Variants in MACC1 observed in about 807,000 individuals in gnomAD.
MACC1 encodes MET transcriptional regulator MACC1, also known as metastasis-associated in colon cancer protein 1.
Under a neutral mutation model 70.7 loss-of-function variants are expected in MACC1, and 79 were observed. That is an observed-to-expected ratio of 1.12 (90% confidence interval 0.93 to 1.35). The LOEUF is 1.35. Among genes scored for constraint, MACC1 ranks in the 40% most tolerant of loss-of-function variants. MACC1 has a pLI of 0.00. For missense variants in MACC1, 1,106 were observed against 978.1 expected, an observed-to-expected ratio of 1.13 and a Z score of -1.74; for synonymous variants, 361 against 347.2, an observed-to-expected ratio of 1.04 and a Z score of -0.44.
chr7:20,191,323 G>C (rs1333682463), intron 1 of MACC1, among the ~76,000 whole-genome samples: 1 of 152,216 alleles, frequency 6.6e-6, no homozygotes, highest in African/African-American at 2.4e-5. Flanking sequence ...AGGTGTCTCA[G>C]GAGGTCCTGG....
At chr7:20,161,479 T>A (rs1472153645) in intron 4 of MACC1, among the ~76,000 whole-genome samples, 1 of 152,032 alleles carries the variant, frequency 6.6e-6, no homozygotes, top group Non-Finnish European at 1.5e-5. Flanking sequence ...CAATCAACCT[T>A]CAGAGAGCCT....
chr7:20,150,864 T>TG (rs1210748206), intron 6 of MACC1, among the ~76,000 whole-genome samples: 1 of 152,076 alleles, frequency 6.6e-6, no homozygotes, highest in East Asian at 1.9e-4. Context: ...CTGGCCAACA[T>TG]GGTGAAACAC....
rs1431114851 is a variant in MACC1 at position 20,135,277 on chromosome 7, TTTAA to T, written c.*5665_*5668del. ...TATGCTTTAAATGAAACACAGAGAT[TTTAA>T]TTAGTTTCACAGTCAAAATTATTTT... On this transcript the variant is annotated 3_prime_UTR_variant, in exon 7 of 7. Coordinates refer to ENST00000400331, the MANE Select transcript of MACC1 (RefSeq NM_182762.4). 6.6e-6 allele frequency: 1 copy of T among 152,238 alleles called. No homozygotes were observed. The highest frequency in any genetic ancestry group is 1.5e-5 in the Non-Finnish European group (1 of 68,042). 9.4% of individuals were successfully genotyped at this position (152,238 alleles called of 1,614,324 possible). A position where few individuals can be genotyped will look rare whatever the true frequency, so the allele number is the denominator to read the frequency against.
chr7:20,173,216 AT>A (rs1168245773), intron 1 of MACC1, among the ~76,000 whole-genome samples: 1 of 152,200 alleles, frequency 6.6e-6, no homozygotes, highest in Non-Finnish European at 1.5e-5. Flanking sequence ...GATAATATAC[AT>A]GTTTTGCTTT....
chr7:20,135,575 G>T lies in MACC1; in HGVS notation c.*5371C>A, dbSNP rs946392390. On this transcript the variant is annotated 3_prime_UTR_variant, in exon 7 of 7. Coordinates refer to ENST00000400331, the MANE Select transcript of MACC1 (RefSeq NM_182762.4). ...CTGGGAAGTGATTAGAAATGCAAGT[G>T]ATCAGGCCAGACCCTCTGAATGAGA... 7 of 152,192 alleles carry T rather than the reference G, an allele frequency of 4.6e-5. No homozygotes were observed. Among genetic ancestry groups the T allele is most frequent in the African/African-American group, 7.2e-5 (3 of 41,458 alleles). The allele number at this position is 152,192 out of a possible 1,614,324, so 9.4% of individuals were successfully genotyped here. A position where few individuals can be genotyped will look rare whatever the true frequency, so the allele number is the denominator to read the frequency against.
At chr7:20,172,634 A>G (rs1376689879) in intron 1 of MACC1, among the ~76,000 whole-genome samples, 1 of 152,226 alleles carries the variant, frequency 6.6e-6, no homozygotes, top group East Asian at 1.9e-4. Flanking sequence ...ATAAAATACA[A>G]AAGAAACCAT....
chr7:20,189,417 T>C (rs188896126), intron 1 of MACC1, among the ~76,000 whole-genome samples: 1 of 152,308 alleles, frequency 6.6e-6, no homozygotes, highest in East Asian at 1.9e-4. Context: ...TAAATAATTG[T>C]GGAATGACTG....
intron 2 of MACC1, chr7:20,170,396 G>A (rs1193777342): frequency 6.6e-6 from 1 of 152,098 alleles, no homozygotes; most frequent in Non-Finnish European, 1.5e-5. Flanking sequence ...CAATTCCGTT[G>A]GTCTTAGACA....
At chr7:20,144,967 T>G (rs1053315729) in intron 6 of MACC1, among the ~76,000 whole-genome samples, 3 of 152,072 alleles carry the variant, frequency 2.0e-5, no homozygotes, top group African/African-American at 7.2e-5. Context: ...AGCCAAGAAG[T>G]ATAATAACAT....
At chr7:20,145,605 T>G (rs1179412176) in intron 6 of MACC1, among the ~76,000 whole-genome samples, 2 of 152,178 alleles carry the variant, frequency 1.3e-5, no homozygotes, top group Non-Finnish European at 2.9e-5. Context: ...AATCTTAGCT[T>G]TGCCATATGG....
In MACC1 at chr7:20,135,867, C is replaced by T. The variant is rs759124358; in HGVS notation, c.*5079G>A. ...TCAAAAACAGTGTGTATTACATAAT[C>T]AATTTCAAAAGATTATGTAAAGAAT... is the stretch of plus-strand genomic sequence containing the variant. On this transcript the variant is annotated 3_prime_UTR_variant, in exon 7 of 7. Coordinates refer to ENST00000400331, the MANE Select transcript of MACC1 (RefSeq NM_182762.4). 4 of 152,104 alleles carry T rather than the reference C, an allele frequency of 2.6e-5. No homozygotes were observed. The highest frequency in any genetic ancestry group is 5.9e-5 in the Non-Finnish European group (4 of 68,034). The allele number at this position is 152,104 out of a possible 1,614,324, so 9.4% of individuals were successfully genotyped here.
intron 3 of MACC1, among the ~76,000 whole-genome samples, chr7:20,162,237 A>C (rs761174163): frequency 1.5e-4 from 23 of 152,226 alleles, no homozygotes; most frequent in Admixed American, 3.3e-4. Flanking sequence ...ACAAACTAAA[A>C]ATTTTCCCCT....
chr7:20,138,719 C>T lies in MACC1; in HGVS notation c.*2227G>A. 1 of 151,720 alleles carries T rather than the reference C, an allele frequency of 6.6e-6. No individual in the cohort carries two copies. The highest frequency in any genetic ancestry group is 1.5e-5 in the Non-Finnish European group (1 of 67,962). The allele number at this position is 151,720 out of a possible 1,614,324, so 9.4% of individuals were successfully genotyped here. On this transcript the variant is annotated 3_prime_UTR_variant, in exon 7 of 7. Transcript: ENST00000400331. Reference sequence around the variant, plus strand: ...TTTTTGAGACAGCCTGTCACCCAGGCTGGAGTGCAGTGGCATGAACTCGGC... The same window carrying T: ...TTTTTGAGACAGCCTGTCACCCAGGTTGGAGTGCAGTGGCATGAACTCGGC...
chr7:20,210,993 T>C (rs752079800), intron 1 of MACC1, among the ~76,000 whole-genome samples: 2 of 152,180 alleles, frequency 1.3e-5, no homozygotes, highest in Non-Finnish European at 2.9e-5. Flanking sequence ...AGTACAAATA[T>C]AGCACTTATT....
intron 6 of MACC1, among the ~76,000 whole-genome samples, chr7:20,147,263 T>A (rs1485435535): frequency 6.6e-6 from 1 of 152,154 alleles, no homozygotes; most frequent in Non-Finnish European, 1.5e-5. Flanking sequence ...AAATGCCACA[T>A]GAGTAGAAGA....
At chr7:20,189,664 T>A (rs1782642671) in intron 1 of MACC1, among the ~76,000 whole-genome samples, 2 of 151,884 alleles carry the variant, frequency 1.3e-5, no homozygotes, top group South Asian at 4.2e-4. Flanking sequence ...AATTCCACCA[T>A]CTCTTAGTTC....
intron 1 of MACC1, among the ~76,000 whole-genome samples, chr7:20,194,000 TAGGTA>T (rs1318863856): frequency 6.6e-6 from 1 of 152,178 alleles, no homozygotes; most frequent in South Asian, 2.1e-4. Context: ...ATCTGGAATT[TAGGTA>T]AGGTTTGTGG....
intron 1 of MACC1, among the ~76,000 whole-genome samples, chr7:20,205,859 C>T (rs1004502630): frequency 2.0e-5 from 3 of 152,142 alleles, no homozygotes; most frequent in African/African-American, 7.2e-5. Context: ...TTTCTGACGT[C>T]TCCATGTGAA....
intron 1 of MACC1, among the ~76,000 whole-genome samples, chr7:20,216,417 T>C (rs1456519578): frequency 6.6e-6 from 1 of 152,114 alleles, no homozygotes; most frequent in Non-Finnish European, 1.5e-5. Context: ...TTAAGTTCAA[T>C]AGTATTAAAT....
Sources: allele counts gnomAD v4.1 joint callset (sites outside exome capture counted in the v4.1 genomes callset), GRCh38; gene constraint gnomAD v4.1.1; transcripts MANE v1.5; gene names NCBI Gene and HGNC (gene_info 2026-07-23, HGNC 2026-07-21).